Variants in FTO observed in about 807,000 individuals in gnomAD.
FTO encodes alpha-ketoglutarate-dependent dioxygenase FTO.
In FTO, 47 loss-of-function variants were observed where a neutral mutation model predicts 63.9. That is an observed-to-expected ratio of 0.74 (90% CI 0.58 to 0.94). The LOEUF (loss-of-function observed/expected upper bound fraction) is 0.94, where lower values mean the gene tolerates loss of function less well. Among genes scored for constraint, FTO ranks in the 40% least tolerant of loss-of-function variants. The pLI is 0.00. For synonymous variants in FTO, 207 were observed against 224.4 expected (o/e 0.92, Z 0.69); for missense variants, 562 against 618.1 (o/e 0.91, Z 0.96).
chr16:53,721,726 G>A (rs2076046397), intron 1 of FTO, among the ~76,000 whole-genome samples: 1 of 151,990 alleles, frequency 6.6e-6, no homozygotes, highest in Non-Finnish European at 1.5e-5. Context: ...GTATTTTCTG[G>A]GTAGGTATTT....
intron 8 of FTO, among the ~76,000 whole-genome samples, chr16:53,953,411 A>G (rs1464100976): frequency 6.6e-6 from 1 of 152,224 alleles, no homozygotes; most frequent in Non-Finnish European, 1.5e-5. Context: ...CTTGTAATTT[A>G]GAAATATCCA....
chr16:53,712,235 T>A (rs1351078937), intron 1 of FTO, among the ~76,000 whole-genome samples: 1 of 152,222 alleles, frequency 6.6e-6, no homozygotes, highest in Non-Finnish European at 1.5e-5. Context: ...ACTTTTATTA[T>A]GGGCCATTCT....
chr16:53,854,918 G>A (rs1191930390), intron 4 of FTO, among the ~76,000 whole-genome samples: 2 of 152,072 alleles, frequency 1.3e-5, no homozygotes, highest in African/African-American at 4.8e-5. Context: ...CCGTGAGTAT[G>A]GGATGTATTT....
In FTO at chr16:54,111,954, G is replaced by A. The variant is rs375406387; in HGVS notation, c.*39G>A. ...CTCAGGCGGAGGAGAAAAAGAGATC[G>A]GCTTTTCTCCTCCAACGTTGTCATG... On this transcript the variant is annotated 3_prime_UTR_variant, in exon 9 of 9. Transcript: ENST00000471389. 3.8e-4 allele frequency: 607 copies of A among 1,611,362 alleles called. 4 individuals carry two copies. Among genetic ancestry groups the A allele is most frequent in the South Asian group, 3.7e-3 (339 of 90,990 alleles).
rs758489310 is a variant in FTO, at chr16:53,826,475, C to T, written c.735C>T (p.Tyr245=). 1.2e-6 allele frequency: 2 copies of T among 1,614,044 alleles called. No homozygotes were observed. The highest frequency in any genetic ancestry group is 1.7e-6 in the Non-Finnish European group (2 of 1,180,016). The part of the protein sequence containing the change: ...NLVDRSAVAV[Y]SYSCEGPEEE... ...TGGACAGGTCAGCGGTGGCAGTGTA[C>T]AGTTATAGCTGTGAAGGTACAGTCT... The change falls in exon 3 of 9, where the codon TAC becomes TAT. Residue 245 remains tyrosine (Y), a synonymous_variant. Transcript: ENST00000471389.
intron 8 of FTO, among the ~76,000 whole-genome samples, chr16:54,067,808 G>T (rs1230443271): frequency 1.3e-5 from 2 of 152,150 alleles, no homozygotes; most frequent in Non-Finnish European, 2.9e-5. Flanking sequence ...ATTCACCAAA[G>T]GTTCTTGTTT....
At chr16:53,745,379 G>A (rs1243685567) in intron 1 of FTO, among the ~76,000 whole-genome samples, 1 of 152,112 alleles carries the variant, frequency 6.6e-6, no homozygotes, top group Non-Finnish European at 1.5e-5. Flanking sequence ...CAATTCTTCT[G>A]GGAAACATGC....
chr16:54,108,047 C>T (rs1409949738), intron 8 of FTO, among the ~76,000 whole-genome samples: 2 of 152,154 alleles, frequency 1.3e-5, no homozygotes, highest in Non-Finnish European at 1.5e-5. Flanking sequence ...GCTAGTCCCA[C>T]CCACATCAAG....
At position 54,017,850 on chromosome 16, in the gene FTO, C is replaced by T. The variant is rs1363870881; in HGVS notation, c.1364+83741C>T. 6.6e-5 allele frequency among the ~76,000 whole-genome samples: 10 copies of T among 152,166 alleles called. No homozygotes were observed. In the East Asian group the frequency reaches 1.4e-3, roughly 21 times the overall value. On this transcript the variant is annotated intron_variant, in intron 8 of 8. Transcript: ENST00000471389. ...CTCTCTAGACATTTTCAATCAGCCTCGCCCGCAAATTGTACTAAGCAGCTG... is the reference window on the plus strand; with the variant it reads ...CTCTCTAGACATTTTCAATCAGCCTTGCCCGCAAATTGTACTAAGCAGCTG...
At chr16:54,081,264 C>A (rs115135176) in intron 8 of FTO, among the ~76,000 whole-genome samples, 1,644 of 152,242 alleles carry the variant, frequency 0.011, 33 homozygotes, top group African/African-American at 0.037. Flanking sequence ...ATGGTTACAG[C>A]CCTACCCCCT....
intron 8 of FTO, chr16:54,072,130 A>C (rs1438724337): frequency 6.6e-6 from 1 of 152,216 alleles, no homozygotes; most frequent in Admixed American, 6.5e-5. Context: ...TCTCTTGTGG[A>C]AGGCATGCCG....
At chr16:54,110,432 G>A (rs781357738) in intron 8 of FTO, among the ~76,000 whole-genome samples, 4 of 152,166 alleles carry the variant, frequency 2.6e-5, no homozygotes, top group Non-Finnish European at 4.4e-5. Context: ...TATCAGGGCC[G>A]GATGCAGAGA....
At chr16:54,019,549 T>G (rs6499670) in intron 8 of FTO, among the ~76,000 whole-genome samples, 78,320 of 152,024 alleles carry the variant, frequency 0.52, 22,374 homozygotes, top group African/African-American at 0.76. Context: ...GTAGTGATCA[T>G]CCTCCACAAT....
intron 6 of FTO, among the ~76,000 whole-genome samples, chr16:53,886,435 C>A (rs1448112036): frequency 2.0e-5 from 3 of 152,198 alleles, no homozygotes; most frequent in East Asian, 3.8e-4. Context: ...TATGTGAAAT[C>A]CATCAAAAAG....
chr16:53,950,175 A>AAAAC (rs2082754044), intron 8 of FTO, among the ~76,000 whole-genome samples: 1 of 142,894 alleles, frequency 7.0e-6, no homozygotes, highest in African/African-American at 2.6e-5. Flanking sequence ...AAAAAAAAAA[A>AAAAC]AAAACTTAAT....
chr16:54,103,914 G>T (rs921980721), intron 8 of FTO, among the ~76,000 whole-genome samples: 9 of 152,194 alleles, frequency 5.9e-5, no homozygotes, highest in Admixed American at 2.6e-4. Flanking sequence ...GTGCAATGGA[G>T]TGTCCTCTTC....
At chr16:53,923,339 G>A (rs2082053122) in intron 7 of FTO, among the ~76,000 whole-genome samples, 1 of 152,224 alleles carries the variant, frequency 6.6e-6, no homozygotes, top group Admixed American at 6.5e-5. Flanking sequence ...TTAATGGGCT[G>A]TCAGGGGCAA....
intron 3 of FTO, among the ~76,000 whole-genome samples, chr16:53,843,316 T>C (rs2079526736): frequency 6.6e-6 from 1 of 152,230 alleles, no homozygotes; most frequent in Admixed American, 6.5e-5. Flanking sequence ...CAAATTGTCC[T>C]CTACAGAGAG....
At chr16:53,998,398 T>C (rs1446970960) in intron 8 of FTO, 2 of 152,260 alleles carry the variant, frequency 1.3e-5, no homozygotes, top group Non-Finnish European at 2.9e-5. Context: ...TACAGTACCA[T>C]GTATCTGTGT....
Sources: allele counts gnomAD v4.1 joint callset (sites outside exome capture counted in the v4.1 genomes callset), GRCh38; gene constraint gnomAD v4.1.1; transcripts MANE v1.5; gene names NCBI Gene and HGNC (gene_info 2026-07-23, HGNC 2026-07-21).